The following TUSC3 variants were observed in gnomAD, a reference collection of about 807,000 sequenced individuals.
The protein encoded by TUSC3 is dolichyl-diphosphooligosaccharide--protein glycosyltransferase subunit TUSC3.
TUSC3 carries 45 observed loss-of-function variants against 44.8 expected under a neutral mutation model. The observed-to-expected ratio is 1.00, with a 90% confidence interval of 0.79 to 1.29. The LOEUF is 1.29. TUSC3 is among the 50% of genes most tolerant of loss of function. The probability of loss-of-function intolerance (pLI) is 0.00; values close to 1 mark genes in which losing one functional copy is unlikely to be tolerated. For missense variants in TUSC3, 519 were observed against 437.9 expected (o/e 1.19, Z -1.65); for synonymous variants, 212 against 152.9 (o/e 1.39, Z -2.85).
the TUSC3 span, among the ~76,000 whole-genome samples, chr8:15,850,496 G>C: frequency 6.6e-6 from 1 of 152,060 alleles, no homozygotes; most frequent in African/African-American, 2.4e-5. Flanking sequence ...ATTTATTGCT[G>C]AAATACTGTT....
intron 2 of TUSC3, among the ~76,000 whole-genome samples, chr8:15,487,298 A>T (rs1393913774): frequency 6.6e-6 from 1 of 152,184 alleles, no homozygotes; most frequent in Non-Finnish European, 1.5e-5. Flanking sequence ...GCTTCTGAGT[A>T]TCTTGAGAGC....
At chr8:15,622,377 C>A (rs2129163914) in intron 1 of TUSC3, among the ~76,000 whole-genome samples, 1 of 151,964 alleles carries the variant, frequency 6.6e-6, no homozygotes, top group East Asian at 1.9e-4. Flanking sequence ...AAGTGATCCT[C>A]CCACCTTGGT....
intron 2 of TUSC3, among the ~76,000 whole-genome samples, chr8:15,650,266 A>G (rs1472004061): frequency 2.6e-5 from 4 of 152,214 alleles, no homozygotes; most frequent in Non-Finnish European, 4.4e-5. Context: ...ATATTCTTAA[A>G]AATTGGTCTT....
chr8:15,647,589 A>C (rs1335940950), intron 2 of TUSC3, among the ~76,000 whole-genome samples: 2 of 152,064 alleles, frequency 1.3e-5, no homozygotes. Context: ...TCTCCGTGCT[A>C]CCTCACTCAC....
intron 1 of TUSC3, among the ~76,000 whole-genome samples, chr8:15,477,651 G>T (rs1448187950): frequency 6.6e-6 from 1 of 152,114 alleles, no homozygotes; most frequent in Admixed American, 6.5e-5. Flanking sequence ...GAACCAGGGA[G>T]GCAGAGCTTT....
intron 8 of TUSC3, among the ~76,000 whole-genome samples, chr8:15,747,426 C>A (rs1250471445): frequency 2.0e-5 from 3 of 151,354 alleles, no homozygotes; most frequent in Non-Finnish European, 4.4e-5. Context: ...ACACTAATTT[C>A]TACTTATATA....
At chr8:15,618,509 TC>T (rs1214531241) in intron 1 of TUSC3, among the ~76,000 whole-genome samples, 1 of 152,142 alleles carries the variant, frequency 6.6e-6, no homozygotes, top group Non-Finnish European at 1.5e-5. Flanking sequence ...ATCACTATCT[TC>T]CACCTCCACA....
intron 1 of TUSC3, among the ~76,000 whole-genome samples, chr8:15,479,344 A>G (rs1387154858): frequency 2.0e-5 from 3 of 152,080 alleles, no homozygotes; most frequent in Admixed American, 1.3e-4. Context: ...TGTTTTTGTC[A>G]TGATATTTTT....
intron 6 of TUSC3, among the ~76,000 whole-genome samples, chr8:15,695,538 T>C (rs1200151922): frequency 1.3e-5 from 2 of 151,820 alleles, no homozygotes; most frequent in Admixed American, 1.3e-4. Flanking sequence ...ACTGGTGGAG[T>C]GGGGCGATGC....
At chr8:15,593,058 C>T (rs532502554) in intron 1 of TUSC3, among the ~76,000 whole-genome samples, 59 of 152,098 alleles carry the variant, frequency 3.9e-4, no homozygotes, top group African/African-American at 1.3e-3. Context: ...TTAACATAAA[C>T]TCTTTATTAT....
chr8:15,512,604 C>G (rs149886128), intron 2 of TUSC3, among the ~76,000 whole-genome samples: 2,973 of 152,130 alleles, frequency 0.02, 105 homozygotes, highest in African/African-American at 0.067. Flanking sequence ...AAAACCCCGT[C>G]TCTACTAAAA....
chr8:15,623,947 C>T (rs1047294019), intron 2 of TUSC3, among the ~76,000 whole-genome samples: 2 of 152,082 alleles, frequency 1.3e-5, no homozygotes, highest in African/African-American at 4.8e-5. Flanking sequence ...TTTAAAGTCA[C>T]CCGCACTCTC....
At chr8:15,582,008 G>C (rs1426069578) in intron 1 of TUSC3, among the ~76,000 whole-genome samples, 1 of 151,950 alleles carries the variant, frequency 6.6e-6, no homozygotes, top group South Asian at 2.1e-4. Context: ...ATATAATCTT[G>C]TGGTGCGCCG....
chr8:15,824,193 G>C, the TUSC3 span, among the ~76,000 whole-genome samples: 1 of 152,156 alleles, frequency 6.6e-6, no homozygotes, highest in Non-Finnish European at 1.5e-5. Context: ...AGTCACAGAA[G>C]TGGAAGATAT....
At chr8:15,502,060 T>A (rs1022323226) in intron 2 of TUSC3, among the ~76,000 whole-genome samples, 5 of 152,248 alleles carry the variant, frequency 3.3e-5, no homozygotes, top group African/African-American at 1.2e-4. Flanking sequence ...AACCATCACT[T>A]ATGTGTTATC....
intron 6 of TUSC3, among the ~76,000 whole-genome samples, chr8:15,694,197 C>G (rs1585238532): frequency 1.3e-5 from 2 of 152,022 alleles, no homozygotes; most frequent in South Asian, 2.1e-4. Flanking sequence ...AATTCTAGCA[C>G]TTTGGGAGGA....
At chr8:15,715,630 G>C (rs976729028) in intron 6 of TUSC3, among the ~76,000 whole-genome samples, 8 of 151,902 alleles carry the variant, frequency 5.3e-5, no homozygotes, top group African/African-American at 1.7e-4. Flanking sequence ...TTGACAGCAG[G>C]TAACCGATAC....
chr8:15,744,604 TAA>T (rs1281393800), intron 8 of TUSC3, among the ~76,000 whole-genome samples: 3 of 152,130 alleles, frequency 2.0e-5, no homozygotes, highest in Non-Finnish European at 4.4e-5. Flanking sequence ...TCTAAATACT[TAA>T]AAGTCTTAGG....
chr8:15,775,409 A>G, the TUSC3 span, among the ~76,000 whole-genome samples: 1 of 152,038 alleles, frequency 6.6e-6, no homozygotes, highest in Non-Finnish European at 1.5e-5. Flanking sequence ...AATGTACTTC[A>G]TGCTACTCAA....
Sources: allele counts gnomAD v4.1 joint callset (sites outside exome capture counted in the v4.1 genomes callset), GRCh38; gene constraint gnomAD v4.1.1; transcripts MANE v1.5; gene names NCBI Gene and HGNC (gene_info 2026-07-23, HGNC 2026-07-21).